The following CAB39L variants were observed in gnomAD, a reference collection of about 807,000 sequenced individuals.
The protein encoded by CAB39L is calcium-binding protein 39-like.
CAB39L carries 23 observed loss-of-function variants against 39.1 expected under a neutral mutation model. The ratio of observed to expected loss-of-function variants is 0.59; its 90% CI spans 0.42 to 0.83. The LOEUF (loss-of-function observed/expected upper bound fraction) is 0.83, where lower values mean the gene tolerates loss of function less well. Ranked by LOEUF, CAB39L falls within the 40% of genes least tolerant of loss-of-function variation. The pLI, the probability that CAB39L is intolerant of heterozygous loss-of-function variation, is 0.00. For synonymous variants in CAB39L, 126 were observed against 137.2 expected, an observed-to-expected ratio of 0.92 and a Z score of 0.57; for missense variants, 366 against 391.9, an observed-to-expected ratio of 0.93 and a Z score of 0.56.
intron 6 of CAB39L, among the ~76,000 whole-genome samples, chr13:49,352,240 AC>A (rs1329895562): frequency 2.6e-5 from 4 of 152,004 alleles, no homozygotes; most frequent in Admixed American, 6.6e-5. Context: ...TAATACAACA[AC>A]AATCTCTCAA....
At chr13:49,420,939 A>G (rs1026947605) in intron 3 of CAB39L, among the ~76,000 whole-genome samples, 1 of 152,134 alleles carries the variant, frequency 6.6e-6, no homozygotes, top group East Asian at 1.9e-4. Flanking sequence ...TGCATGAAGA[A>G]AAAAATAATA....
Position 49,314,092 on chromosome 13 carries a change from T to C in CAB39L, c.835-3099A>G, listed in dbSNP as rs148393315. 5.4e-3 allele frequency among the ~76,000 whole-genome samples: 824 copies of C among 151,816 alleles called. 8 individuals carry two copies. The highest frequency in any genetic ancestry group is 0.018 in the African/African-American group (740 of 41,350). On this transcript the variant is annotated intron_variant, in intron 10 of 10. Transcript: ENST00000409308. ...TCAGGCAGAGAATGTTTACACGTGGTGGTAAGAAAAGCAGCATTCCAGGAA... is the reference window on the plus strand; with the variant it reads ...TCAGGCAGAGAATGTTTACACGTGGCGGTAAGAAAAGCAGCATTCCAGGAA...
chr13:49,392,054 A>G (rs186401989), intron 3 of CAB39L, among the ~76,000 whole-genome samples: 1 of 152,152 alleles, frequency 6.6e-6, no homozygotes, highest in Admixed American at 6.5e-5. Flanking sequence ...ATAAATATAT[A>G]TCAAGCAATA....
intron 10 of CAB39L, among the ~76,000 whole-genome samples, chr13:49,329,583 ATATATATATATAT>A (rs1954626013): frequency 8.7e-6 from 1 of 115,596 alleles, no homozygotes; most frequent in Non-Finnish European, 1.8e-5. Context: ...ATATATATAT[ATATATATATATAT>A]AATGATGTAA....
intron 8 of CAB39L, among the ~76,000 whole-genome samples, chr13:49,341,433 A>G (rs1297920213): frequency 6.6e-6 from 1 of 151,988 alleles, no homozygotes; most frequent in East Asian, 1.9e-4. Flanking sequence ...TTGTATTTTT[A>G]TTAGAGACAA....
chr13:49,352,014 G>A (rs779061588), intron 6 of CAB39L, among the ~76,000 whole-genome samples: 2 of 152,112 alleles, frequency 1.3e-5, no homozygotes, highest in African/African-American at 4.8e-5. Context: ...CTCCTTGGCA[G>A]TATGATACAC....
At chr13:49,374,772 C>G (rs187570113) in intron 5 of CAB39L, among the ~76,000 whole-genome samples, 1 of 152,288 alleles carries the variant, frequency 6.6e-6, no homozygotes, top group East Asian at 1.9e-4. Flanking sequence ...CTGAACCTGA[C>G]GACATCTCAT....
intron 3 of CAB39L, among the ~76,000 whole-genome samples, chr13:49,395,618 G>A (rs911937408): frequency 6.6e-6 from 1 of 152,160 alleles, no homozygotes; most frequent in East Asian, 1.9e-4. Flanking sequence ...AGATTCTGGA[G>A]AGAAAGCCAA....
chr13:49,407,234 A>G (rs1956899890), intron 3 of CAB39L, among the ~76,000 whole-genome samples: 1 of 152,232 alleles, frequency 6.6e-6, no homozygotes, highest in Admixed American at 6.5e-5. Flanking sequence ...ATACAAAAAA[A>G]TGGTAGGAAA....
At chr13:49,378,527 G>A (rs1956157879) in intron 4 of CAB39L, among the ~76,000 whole-genome samples, 1 of 71,206 alleles carries the variant, frequency 1.4e-5, no homozygotes, top group African/African-American at 8.4e-5. Context: ...ACCCCGTCCG[G>A]GAGGGAGATG....
chr13:49,334,219 C>G (rs1417900061), intron 9 of CAB39L, among the ~76,000 whole-genome samples: 1 of 152,200 alleles, frequency 6.6e-6, no homozygotes. Flanking sequence ...TCACCTAATC[C>G]GATCCATTCT....
intron 10 of CAB39L, among the ~76,000 whole-genome samples, chr13:49,330,187 T>C (rs1043397660): frequency 6.6e-6 from 1 of 152,220 alleles, no homozygotes; most frequent in Non-Finnish European, 1.5e-5. Flanking sequence ...ATGCCTTCCA[T>C]ATCATGTTTT....
chr13:49,406,961 A>G (rs1158210010), intron 3 of CAB39L, among the ~76,000 whole-genome samples: 2 of 152,206 alleles, frequency 1.3e-5, no homozygotes, highest in Non-Finnish European at 2.9e-5. Flanking sequence ...AGTGAGTCCT[A>G]ATGTTAAAAT....
At chr13:49,337,519 A>G (rs1954879870) in intron 9 of CAB39L, among the ~76,000 whole-genome samples, 1 of 152,146 alleles carries the variant, frequency 6.6e-6, no homozygotes, top group African/African-American at 2.4e-5. Flanking sequence ...CCACTTATAG[A>G]TGGATGTGGT....
chr13:49,417,458 C>G (rs150939002), intron 3 of CAB39L, among the ~76,000 whole-genome samples: 55 of 152,300 alleles, frequency 3.6e-4, no homozygotes, highest in African/African-American at 1.2e-3. Flanking sequence ...AACTATTTAA[C>G]ACTACTGTAC....
Position 49,433,369 on chromosome 13 carries a change from C to T in CAB39L, c.-83G>A, listed in dbSNP as rs563892688. The T allele has an allele frequency of 1.1e-4, 48 of 455,090 alleles. No homozygotes were observed. The highest frequency in any genetic ancestry group is 9.4e-4 in the African/African-American group (47 of 50,072). 28.2% of individuals were successfully genotyped at this position (455,090 alleles called of 1,614,324 possible). A position where few individuals can be genotyped will look rare whatever the true frequency, so the allele number is the denominator to read the frequency against. The stretch of plus-strand genomic sequence containing the variant: ...TTTGTTTGAACCTTCTTAGCTTTCA[C>T]CAAAGTCACTGATCACCACAGCTTC... On this transcript the variant is annotated 5_prime_UTR_variant, in exon 3 of 11. It adds an upstream start codon to the 5' untranslated region. Coordinates refer to ENST00000409308, the MANE Select transcript of CAB39L (RefSeq NM_001079670.3).
At chr13:49,375,202 T>C (rs1045126087) in intron 5 of CAB39L, among the ~76,000 whole-genome samples, 1 of 152,102 alleles carries the variant, frequency 6.6e-6, no homozygotes, top group African/African-American at 2.4e-5. Flanking sequence ...GTTTAATATT[T>C]AAAACAATGC....
Position 49,386,093 on chromosome 13 carries a change from T to G in CAB39L, c.-31-3152A>C, listed in dbSNP as rs1490850214. ...TGCTGTCTTTCTCCCTGTAGTTCTA[T>G]AGCACTAAGGGAAAGATATATAACT... On this transcript the variant is annotated intron_variant, in intron 3 of 10. Coordinates refer to ENST00000409308, the MANE Select transcript of CAB39L (RefSeq NM_001079670.3). Among the ~76,000 whole-genome samples the G allele has an allele frequency of 2.0e-5, 3 of 152,160 alleles. No individual in the cohort carries two copies. In the East Asian group the frequency reaches 5.8e-4, roughly 29 times the overall value.
chr13:49,347,515 G>A (rs1008083535), intron 7 of CAB39L, among the ~76,000 whole-genome samples: 8 of 152,058 alleles, frequency 5.3e-5, no homozygotes, highest in South Asian at 2.1e-4. Flanking sequence ...CCATGACAGC[G>A]AAGAGCCATC....
Sources: allele counts gnomAD v4.1 joint callset (sites outside exome capture counted in the v4.1 genomes callset), GRCh38; gene constraint gnomAD v4.1.1; transcripts MANE v1.5; gene names NCBI Gene and HGNC (gene_info 2026-07-23, HGNC 2026-07-21).